Variants in DOCK4 observed in about 807,000 individuals in gnomAD.
DOCK4 encodes the protein dedicator of cytokinesis protein 4.
A neutral mutation model predicts 268.1 loss-of-function variants in DOCK4; 97 were observed. That is an observed-to-expected ratio of 0.36 (90% CI 0.31 to 0.43). The LOEUF is 0.43. Among genes scored for constraint, DOCK4 ranks in the 20% least tolerant of loss-of-function variants. DOCK4 has a pLI of 1.00. For synonymous variants in DOCK4, 954 were observed against 887.2 expected, an observed-to-expected ratio of 1.08 and a Z score of -1.34; for missense variants, 2,145 against 2,455.7, an observed-to-expected ratio of 0.87 and a Z score of 2.67.
intron 51 of DOCK4, among the ~76,000 whole-genome samples, chr7:111,733,204 TAAGA>T (rs992424759): frequency 3.3e-5 from 5 of 152,160 alleles, no homozygotes; most frequent in African/African-American, 7.2e-5. Flanking sequence ...TGAAAGGCTG[TAAGA>T]AAGAAAGACA....
intron 1 of DOCK4, among the ~76,000 whole-genome samples, chr7:112,115,698 T>A (rs1325274321): frequency 6.6e-6 from 1 of 152,180 alleles, no homozygotes; most frequent in Non-Finnish European, 1.5e-5. Flanking sequence ...TTTATCTATC[T>A]ATTAACAGAG....
At position 111,809,332 on chromosome 7, in the gene DOCK4, T is replaced by C; in HGVS notation, c.3076A>G (p.Thr1026Ala). The part of the protein sequence containing the change: ...NQLCLQLEMF[T>A]PSKKKKVLEK... ...AACACCTTTTTCTTCTTGGAAGGTG[T>C]GAACATCTCCAACTGCAGACACAAC... is the stretch of plus-strand genomic sequence containing the variant. Residue 1026 changes from threonine to alanine, a missense_variant, in exon 29 of 53, where the codon ACA becomes GCA. By Grantham distance (58) the Thr-to-Ala change is moderately conservative (BLOSUM62 0). Around this residue, in one of 2 missense-constraint regions of DOCK4, gnomAD observed 1,598 missense variants for 1,986.7 expected, o/e 0.80. Transcript: ENST00000428084. 4 of 1,565,026 alleles carry C rather than the reference T, an allele frequency of 2.6e-6. No homozygotes were observed. Among genetic ancestry groups the C allele is most frequent in the Non-Finnish European group, 3.5e-6 (4 of 1,153,012 alleles).
At chr7:112,169,506 A>C (rs11770983) in intron 1 of DOCK4, among the ~76,000 whole-genome samples, 15,433 of 152,290 alleles carry the variant, frequency 0.1, 963 homozygotes, top group East Asian at 0.15. Flanking sequence ...GATATTTTAA[A>C]GGAAGCATTT....
At position 112,147,955 on chromosome 7, in the gene DOCK4, G is replaced by T. The variant is rs2116356131; in HGVS notation, c.37+58147C>A. Among the ~76,000 whole-genome samples, 3 of 151,516 alleles carry T rather than the reference G, an allele frequency of 2.0e-5. No individual in the cohort carries two copies. The South Asian group carries it at 6.3e-4, about 32-fold the overall frequency. ...ACAGCCTCCACCAGCTCTCCCCTCA[G>T]GCCTCCTATCACCCCTCTGCTCAAG... is the stretch of plus-strand genomic sequence containing the variant. On this transcript the variant is annotated intron_variant, in intron 1 of 52. Transcript: ENST00000428084.
At chr7:112,124,853 C>G (rs894577863) in intron 1 of DOCK4, among the ~76,000 whole-genome samples, 1 of 152,158 alleles carries the variant, frequency 6.6e-6, no homozygotes, top group South Asian at 2.1e-4. Context: ...TAACCACCTT[C>G]CTAACAATAA....
chr7:111,824,951 T>C (rs1156297758), intron 26 of DOCK4, among the ~76,000 whole-genome samples: 1 of 152,064 alleles, frequency 6.6e-6, no homozygotes, highest in Non-Finnish European at 1.5e-5. Flanking sequence ...CCAAACATAT[T>C]CAACAGTAGA....
chr7:112,085,067 T>G (rs958275459), intron 1 of DOCK4, among the ~76,000 whole-genome samples: 2 of 152,140 alleles, frequency 1.3e-5, no homozygotes, highest in Non-Finnish European at 2.9e-5. Context: ...AAAATTGTTC[T>G]AGTATATTCA....
chr7:112,135,104 T>C (rs539380202), intron 1 of DOCK4, among the ~76,000 whole-genome samples: 172 of 152,278 alleles, frequency 1.1e-3, no homozygotes, highest in African/African-American at 3.8e-3. Flanking sequence ...TAGTTTAATT[T>C]TGCCTTAAGG....
chr7:111,945,141 AC>A (rs1215881179), intron 9 of DOCK4, among the ~76,000 whole-genome samples: 11 of 152,202 alleles, frequency 7.2e-5, no homozygotes, highest in African/African-American at 2.7e-4. Context: ...TTAAGCACAT[AC>A]TAAATACCAG....
chr7:112,104,768 G>A (rs944948938), intron 1 of DOCK4, among the ~76,000 whole-genome samples: 5 of 152,158 alleles, frequency 3.3e-5, no homozygotes, highest in African/African-American at 1.2e-4. Flanking sequence ...TGGGTGGGGA[G>A]AATGCTATAG....
intron 1 of DOCK4, among the ~76,000 whole-genome samples, chr7:112,019,233 G>A (rs6466395): frequency 0.01 from 1,575 of 152,236 alleles, 27 homozygotes; most frequent in African/African-American, 0.035. Flanking sequence ...AGGTGTGCAA[G>A]AATTTACAGA....
chr7:111,861,758 A>AAAT (rs1232947496), intron 23 of DOCK4, among the ~76,000 whole-genome samples: 5 of 74,402 alleles, frequency 6.7e-5, no homozygotes, highest in Non-Finnish European at 1.2e-4. Flanking sequence ...AAAAAAAAAA[A>AAAT]AATAATAATA....
At chr7:112,110,972 C>T (rs996741657) in intron 1 of DOCK4, among the ~76,000 whole-genome samples, 13 of 152,310 alleles carry the variant, frequency 8.5e-5, no homozygotes, top group Admixed American at 1.3e-4. Flanking sequence ...CATGTTCTAA[C>T]GAATCCCCAA....
chr7:111,741,493 G>C, intron 46 of DOCK4, 47 bp downstream of exon 46: 2 of 1,602,038 alleles, frequency 1.2e-6, no homozygotes, highest in Middle Eastern at 1.7e-4. Context: ...TTCCAGATCA[G>C]CTTGCGGGTG....
intron 1 of DOCK4, among the ~76,000 whole-genome samples, chr7:112,173,583 T>C (rs1330518697): frequency 6.6e-6 from 1 of 152,136 alleles, no homozygotes; most frequent in Non-Finnish European, 1.5e-5. Flanking sequence ...TGGGATCTAA[T>C]GTGGCTTTCC....
At chr7:111,772,837 T>C (rs181900631) in intron 36 of DOCK4, among the ~76,000 whole-genome samples, 2 of 152,042 alleles carry the variant, frequency 1.3e-5, no homozygotes, top group East Asian at 3.9e-4. Flanking sequence ...AAAAGAGCAA[T>C]GAAGGTCTCC....
intron 8 of DOCK4, among the ~76,000 whole-genome samples, chr7:111,963,257 G>A (rs950634592): frequency 7.3e-5 from 11 of 151,072 alleles, no homozygotes; most frequent in Admixed American, 1.3e-4. Context: ...CGTGAGCGAC[G>A]CAGAAGACAG....
intron 25 of DOCK4, among the ~76,000 whole-genome samples, chr7:111,844,199 C>T (rs184460659): frequency 6.6e-6 from 1 of 152,116 alleles, no homozygotes; most frequent in Non-Finnish European, 1.5e-5. Context: ...TTACTTGAAC[C>T]CGGGAGATGG....
At position 112,061,542 on chromosome 7, in the gene DOCK4, A is replaced by T. The variant is rs555477902; in HGVS notation, c.38-57411T>A. Among the ~76,000 whole-genome samples, 167 of 152,160 alleles carry T rather than the reference A, an allele frequency of 1.1e-3. 1 individual carries two copies. The highest frequency in any genetic ancestry group is 3.9e-3 in the African/African-American group (162 of 41,490). On this transcript the variant is annotated intron_variant, in intron 1 of 52. Coordinates refer to ENST00000428084, the MANE Select transcript of DOCK4 (RefSeq NM_001363540.2). The stretch of plus-strand genomic sequence containing the variant: ...TCTGTCACCCGCTTTCTAACACTCC[A>T]TCCTTACATTTAATATGGAACAAGA...
Sources: gnomAD v4.1 joint callset for allele counts (sites outside exome capture counted in the v4.1 genomes callset) on GRCh38, gnomAD v4.1.1 for gene constraint, gnomAD v4.1.1 regional missense constraint, MANE v1.5 for transcripts, NCBI Gene and HGNC (gene_info 2026-07-23, HGNC 2026-07-21) for gene names.